ARHGAP32: variants seen among roughly 807,000 people sequenced by gnomAD.
ARHGAP32 encodes rho GTPase-activating protein 32.
ARHGAP32 carries 51 observed loss-of-function variants against 186.5 expected under a neutral mutation model. That is an observed-to-expected ratio of 0.27 (90% confidence interval 0.22 to 0.35). The LOEUF (loss-of-function observed/expected upper bound fraction) is 0.35. Among genes scored for constraint, ARHGAP32 ranks in the 10% least tolerant of loss-of-function variants. The pLI, the probability that ARHGAP32 is intolerant of heterozygous loss-of-function variation, is 1.00. For missense variants in ARHGAP32, 2,186 were observed against 2,623.5 expected (o/e 0.83, Z 3.64); for synonymous variants, 950 against 964.3 (o/e 0.99, Z 0.27).
chr11:129,020,318 G>C (rs1218057161), intron 11 of ARHGAP32, among the ~76,000 whole-genome samples: 1 of 152,024 alleles, frequency 6.6e-6, no homozygotes, highest in Non-Finnish European at 1.5e-5. Context: ...TAATTATTTA[G>C]TTCCATGAAT....
chr11:129,037,517 A>G (rs1273481948), intron 11 of ARHGAP32, among the ~76,000 whole-genome samples: 1 of 151,974 alleles, frequency 6.6e-6, no homozygotes, highest in Non-Finnish European at 1.5e-5. Flanking sequence ...TAAAAATACA[A>G]AAGAATATCT....
chr11:129,187,501 C>T (rs1167495512), intron 1 of ARHGAP32, among the ~76,000 whole-genome samples: 1 of 152,010 alleles, frequency 6.6e-6, no homozygotes, highest in Non-Finnish European at 1.5e-5. Context: ...TTTAATTGTA[C>T]ACTGAAAAAT....
chr11:128,983,560 G>A (rs1340275023), intron 15 of ARHGAP32, among the ~76,000 whole-genome samples: 1 of 151,892 alleles, frequency 6.6e-6, no homozygotes, highest in African/African-American at 2.4e-5. Context: ...GAGTTAATGG[G>A]TGCAGCACAC....
At chr11:129,239,317 A>G (rs957322322) in intron 1 of ARHGAP32, among the ~76,000 whole-genome samples, 4 of 152,216 alleles carry the variant, frequency 2.6e-5, no homozygotes, top group Non-Finnish European at 2.9e-5. Flanking sequence ...AACATGCAGT[A>G]AGCATTCTGC....
chr11:129,073,117 T>G (rs1940920620), intron 6 of ARHGAP32, among the ~76,000 whole-genome samples: 1 of 151,968 alleles, frequency 6.6e-6, no homozygotes, highest in Non-Finnish European at 1.5e-5. Flanking sequence ...ATGGAATGCT[T>G]CCCCCTACAC....
At chr11:129,070,416 A>G (rs1225274519) in intron 6 of ARHGAP32, among the ~76,000 whole-genome samples, 7 of 152,056 alleles carry the variant, frequency 4.6e-5, no homozygotes, top group Admixed American at 2.0e-4. Context: ...GTTTGGTTAA[A>G]TTGTTAACAT....
chr11:129,015,084 C>T (rs1227648344), intron 11 of ARHGAP32, among the ~76,000 whole-genome samples: 1 of 152,122 alleles, frequency 6.6e-6, no homozygotes, highest in Non-Finnish European at 1.5e-5. Context: ...GAAAATTCTG[C>T]TCTTCAAAAG....
chr11:129,054,964 A>G (rs1466046336), intron 10 of ARHGAP32, among the ~76,000 whole-genome samples: 1 of 152,230 alleles, frequency 6.6e-6, no homozygotes, highest in African/African-American at 2.4e-5. Flanking sequence ...TGCAATACTT[A>G]GAATAGAACT....
At chr11:129,205,125 T>G (rs1019638975) in intron 1 of ARHGAP32, among the ~76,000 whole-genome samples, 4 of 152,180 alleles carry the variant, frequency 2.6e-5, no homozygotes, top group African/African-American at 9.6e-5. Flanking sequence ...ATTTGAATGA[T>G]GCATAAATTA....
chr11:129,174,536 G>T (rs1943859675), intron 1 of ARHGAP32, among the ~76,000 whole-genome samples: 1 of 152,218 alleles, frequency 6.6e-6, no homozygotes, highest in South Asian at 2.1e-4. Context: ...AGACTTAAAT[G>T]TCCCTGTCTG....
intron 5 of ARHGAP32, among the ~76,000 whole-genome samples, chr11:129,106,997 C>T (rs1195469163): frequency 6.6e-6 from 1 of 151,716 alleles, no homozygotes; most frequent in African/African-American, 2.4e-5. Flanking sequence ...AGTTCCACAC[C>T]AAGACACACT....
intron 11 of ARHGAP32, among the ~76,000 whole-genome samples, chr11:129,007,118 C>T (rs1937818514): frequency 6.6e-6 from 1 of 152,092 alleles, no homozygotes; most frequent in Non-Finnish European, 1.5e-5. Context: ...ACTTATCCTT[C>T]ACGGCAGTGG....
intron 1 of ARHGAP32, among the ~76,000 whole-genome samples, chr11:129,269,465 G>T (rs189378947): frequency 3.6e-4 from 55 of 152,204 alleles, no homozygotes; most frequent in South Asian, 1.5e-3. Flanking sequence ...CATAACTCAC[G>T]CCTATAATCC....
upstream of ARHGAP32, among the ~76,000 whole-genome samples, chr11:129,193,987 A>T (rs903951697): frequency 3.3e-5 from 5 of 151,546 alleles, no homozygotes; most frequent in African/African-American, 7.3e-5. Context: ...AGATAAACAT[A>T]AAAGAAACTT....
intron 1 of ARHGAP32, among the ~76,000 whole-genome samples, chr11:129,252,663 A>G (rs7941048): frequency 0.37 from 55,821 of 152,084 alleles, 10,784 homozygotes; most frequent in South Asian, 0.49. Context: ...GTGAATTTGC[A>G]TTAAAGCAAG....
At chr11:129,189,357 G>T (rs555667400) in intron 1 of ARHGAP32, among the ~76,000 whole-genome samples, 4 of 152,268 alleles carry the variant, frequency 2.6e-5, no homozygotes, top group East Asian at 1.9e-4. Context: ...TAGGAAAAAT[G>T]ATACCTGCTT....
At chr11:129,199,309 G>A (rs967947653) in intron 1 of ARHGAP32, among the ~76,000 whole-genome samples, 1 of 152,236 alleles carries the variant, frequency 6.6e-6, no homozygotes, top group Non-Finnish European at 1.5e-5. Context: ...CCAAGACAAT[G>A]GGGAAAATGT....
chr11:129,139,856 A>G (rs1943014435), intron 2 of ARHGAP32, among the ~76,000 whole-genome samples: 1 of 152,224 alleles, frequency 6.6e-6, no homozygotes, highest in Non-Finnish European at 1.5e-5. Context: ...TAAATATATT[A>G]TGAAGTATAA....
In ARHGAP32 at chr11:129,271,421, T is replaced by TGATG. The variant is rs555068102; in HGVS notation, c.-5+7721_-5+7724dup. ...GGTTCTGGCCTGCGCAAGTGGTGGATGATGATGCCACTTACTGAGATGGTA... is the reference window on the plus strand; with the variant it reads ...GGTTCTGGCCTGCGCAAGTGGTGGATGATGGATGATGCCACTTACTGAGATGGTA... On this transcript the variant is annotated intron_variant, in intron 1 of 6. Coordinates refer to the ARHGAP32 transcript ENST00000525234. 1.8e-3 allele frequency among the ~76,000 whole-genome samples: 279 copies of TGATG among 152,164 alleles called. 3 individuals carry two copies. Among genetic ancestry groups the TGATG allele is most frequent in the African/African-American group, 6.5e-3 (271 of 41,502 alleles).
Sources: gnomAD v4.1 joint callset for allele counts (sites outside exome capture counted in the v4.1 genomes callset) on GRCh38, gnomAD v4.1.1 for gene constraint, MANE v1.5 for transcripts, NCBI Gene and HGNC (gene_info 2026-07-23, HGNC 2026-07-21) for gene names.